Variants in APP observed in about 807,000 individuals in gnomAD.
APP encodes the protein amyloid beta precursor protein.
A neutral mutation model predicts 101.4 loss-of-function variants in APP; 31 were observed. The ratio of observed to expected loss-of-function variants is 0.31; its 90% CI spans 0.23 to 0.41. The LOEUF (loss-of-function observed/expected upper bound fraction) is 0.41, where lower values mean the gene tolerates loss of function less well. Ranked by LOEUF, APP falls within the 10% of genes least tolerant of loss-of-function variation. The pLI, the probability that APP is intolerant of heterozygous loss-of-function variation, is 1.00. For missense variants in APP, 839 were observed against 1,003.7 expected (o/e 0.84, Z 2.22); for synonymous variants, 366 against 364.4 (o/e 1.00, Z -0.05).
intron 1 of APP, among the ~76,000 whole-genome samples, chr21:26,130,656 T>G (rs995696406): frequency 6.6e-6 from 1 of 152,258 alleles, no homozygotes. Context: ...TTAAAATACT[T>G]AGAAATGACT....
At chr21:26,097,303 C>T (rs1250207024) in intron 2 of APP, among the ~76,000 whole-genome samples, 1 of 152,148 alleles carries the variant, frequency 6.6e-6, no homozygotes, top group African/African-American at 2.4e-5. Context: ...TCCTTGAAGG[C>T]AGGGACAATA....
chr21:25,975,874 A>C, intron 10 of APP, 80 bp downstream of exon 10: 1 of 1,109,666 alleles, frequency 9.0e-7, no homozygotes, highest in Non-Finnish European at 1.4e-6. Flanking sequence ...AGGTGCTGGC[A>C]GATAAAGGTA....
At chr21:25,913,787 T>C (rs1292974351) in intron 13 of APP, among the ~76,000 whole-genome samples, 2 of 152,118 alleles carry the variant, frequency 1.3e-5, no homozygotes, top group East Asian at 3.9e-4. Context: ...GAATAACTCT[T>C]TTTACTCTTT....
At chr21:26,042,774 G>T (rs924990989) in intron 5 of APP, among the ~76,000 whole-genome samples, 4 of 152,080 alleles carry the variant, frequency 2.6e-5, no homozygotes, top group African/African-American at 4.8e-5. Flanking sequence ...AATTAGGCAG[G>T]CATGGTGGCA....
chr21:26,155,538 A>G (rs2063358433), intron 1 of APP, among the ~76,000 whole-genome samples: 1 of 152,208 alleles, frequency 6.6e-6, no homozygotes, highest in South Asian at 2.1e-4. Context: ...TGACGCCCAG[A>G]GGAATTCACA....
chr21:25,972,643 C>CT (rs34148707), intron 11 of APP, among the ~76,000 whole-genome samples: 152,111 of 152,112 alleles, frequency 1, 76,055 homozygotes, highest in Non-Finnish European at 1. Flanking sequence ...TTCAAGTGAT[C>CT]TCCTATCTCA....
At chr21:26,043,417 G>A (rs1345847489) in intron 5 of APP, among the ~76,000 whole-genome samples, 3 of 151,706 alleles carry the variant, frequency 2.0e-5, no homozygotes, top group African/African-American at 7.3e-5. Context: ...TTTTAGTAGA[G>A]AGGGGGTTTT....
chr21:26,015,295 T>G (rs1164037760), intron 6 of APP, among the ~76,000 whole-genome samples: 1 of 152,122 alleles, frequency 6.6e-6, no homozygotes, highest in African/African-American at 2.4e-5. Flanking sequence ...GCAACTAAGG[T>G]TAATTGAGCA....
Position 26,053,314 on chromosome 21 carries a change from A to G in APP, c.390T>C (p.Pro130=). 6.2e-7 allele frequency: 1 copy of G among 1,613,714 alleles called. No homozygotes were observed. Among genetic ancestry groups the G allele is most frequent in the Non-Finnish European group, 8.5e-7 (1 of 1,179,610 alleles). The change falls in exon 4 of 18, where the codon CCT becomes CCC. Residue 130 remains proline (P), a synonymous_variant. Transcript: ENST00000346798. ...GEFVSDALLV[P]DKCKFLHQER... ...CCTGGTGTAAGAATTTGCACTTGTC[A>G]GGAACGAGAAGGGCATCACTTACAA...
At chr21:26,126,982 A>AG (rs2062698455) in intron 1 of APP, among the ~76,000 whole-genome samples, 1 of 151,936 alleles carries the variant, frequency 6.6e-6, no homozygotes, top group Non-Finnish European at 1.5e-5. Flanking sequence ...AGAAGCAAAA[A>AG]AAAAAAACGT....
At chr21:26,154,984 G>A (rs1413271181) in intron 1 of APP, among the ~76,000 whole-genome samples, 1 of 152,338 alleles carries the variant, frequency 6.6e-6, no homozygotes, top group Admixed American at 6.5e-5. Context: ...AGGTGCGGTG[G>A]CTCACAACTG....
intron 6 of APP, among the ~76,000 whole-genome samples, chr21:26,008,497 G>A (rs550875034): frequency 6.6e-6 from 1 of 152,278 alleles, no homozygotes; most frequent in Admixed American, 6.5e-5. Context: ...AGTATGCTGG[G>A]AAACTGGCAC....
chr21:25,899,518 G>T (rs2038299348), intron 15 of APP, among the ~76,000 whole-genome samples: 1 of 152,140 alleles, frequency 6.6e-6, no homozygotes, highest in African/African-American at 2.4e-5. Context: ...GAGATGCCAT[G>T]TTGTAGGGAC....
chr21:26,107,820 T>C (rs2062218516), intron 2 of APP, among the ~76,000 whole-genome samples: 1 of 152,216 alleles, frequency 6.6e-6, no homozygotes, highest in Admixed American at 6.5e-5. Flanking sequence ...CAAGCTTTTC[T>C]CCCCCTTTGA....
At chr21:26,054,184 C>G (rs45499598) in intron 3 of APP, among the ~76,000 whole-genome samples, 4,933 of 152,224 alleles carry the variant, frequency 0.032, 266 homozygotes, top group African/African-American at 0.11. Context: ...AAGTGTCAGG[C>G]CAGTATCTTG....
At chr21:26,135,916 G>C (rs1043424944) in intron 1 of APP, among the ~76,000 whole-genome samples, 1 of 151,836 alleles carries the variant, frequency 6.6e-6, no homozygotes, top group East Asian at 1.9e-4. Flanking sequence ...GGCGGATCAC[G>C]AGGTCAGAAG....
At chr21:25,977,319 A>G (rs1231110575) in intron 9 of APP, among the ~76,000 whole-genome samples, 2 of 152,234 alleles carry the variant, frequency 1.3e-5, no homozygotes, top group South Asian at 4.1e-4. Context: ...TGAACTAGGT[A>G]AAATGAAGAA....
At chr21:26,160,037 G>A (rs1185952641) in intron 1 of APP, among the ~76,000 whole-genome samples, 3 of 151,750 alleles carry the variant, frequency 2.0e-5, no homozygotes, top group Admixed American at 1.3e-4. Context: ...TAATGGCCAT[G>A]CTGATTGATA....
At chr21:26,069,052 C>T (rs1230736303) in intron 3 of APP, among the ~76,000 whole-genome samples, 1 of 152,156 alleles carries the variant, frequency 6.6e-6, no homozygotes, top group Non-Finnish European at 1.5e-5. Context: ...GAGAAAGGAA[C>T]AGAACTAACA....
Sources: allele counts gnomAD v4.1 joint callset (sites outside exome capture counted in the v4.1 genomes callset), GRCh38; gene constraint gnomAD v4.1.1; transcripts MANE v1.5; gene names NCBI Gene and HGNC (gene_info 2026-07-23, HGNC 2026-07-21).